The following DCLK2 variants were observed in gnomAD, a reference collection of about 807,000 sequenced individuals.
The protein encoded by DCLK2 is serine/threonine-protein kinase DCLK2.
DCLK2 carries 31 observed loss-of-function variants against 78.4 expected under a neutral mutation model. The ratio of observed to expected loss-of-function variants is 0.40; its 90% CI spans 0.30 to 0.53. DCLK2 has a LOEUF of 0.53. Among genes scored for constraint, DCLK2 ranks in the 20% least tolerant of loss-of-function variants. The pLI, the probability that DCLK2 is intolerant of heterozygous loss-of-function variation, is 0.61. For missense variants in DCLK2, 872 were observed against 973.7 expected, an observed-to-expected ratio of 0.90 and a Z score of 1.39; for synonymous variants, 407 against 374.9, an observed-to-expected ratio of 1.09 and a Z score of -0.99.
intron 5 of DCLK2, among the ~76,000 whole-genome samples, chr4:150,213,450 G>A (rs1211572834): frequency 6.6e-6 from 1 of 152,060 alleles, no homozygotes; most frequent in Non-Finnish European, 1.5e-5. Context: ...AAATAATAAA[G>A]GTTTCTGTTC....
At chr4:150,251,997 T>C (rs1744201779) in intron 15 of DCLK2, among the ~76,000 whole-genome samples, 1 of 152,114 alleles carries the variant, frequency 6.6e-6, no homozygotes, top group Non-Finnish European at 1.5e-5. Flanking sequence ...TTTTGATGGC[T>C]TGCAGGACTT....
intron 2 of DCLK2, among the ~76,000 whole-genome samples, chr4:150,148,502 A>G (rs536879014): frequency 2.0e-5 from 3 of 151,948 alleles, no homozygotes; most frequent in East Asian, 1.9e-4. Context: ...GACTGAAGCA[A>G]TCCTCCTGCC....
At chr4:150,253,739 T>A in intron 15 of DCLK2, 3 of 985,440 alleles carry the variant, frequency 3.0e-6, no homozygotes, top group Non-Finnish European at 3.6e-6. Flanking sequence ...ATTTTCAAAC[T>A]TCTCAGCTTA....
In DCLK2 at chr4:150,257,220, G is replaced by T. The variant is rs1446553839; in HGVS notation, c.*973G>T. On this transcript the variant is annotated 3_prime_UTR_variant, in exon 16 of 16. Coordinates refer to ENST00000296550, the MANE Select transcript of DCLK2 (RefSeq NM_001040260.4). ...GAGGCAGCCAGGACTGGGCGGGAAGGTGCTCCCTGGATATACTCTGTGAAC... is the reference window on the plus strand; with the variant it reads ...GAGGCAGCCAGGACTGGGCGGGAAGTTGCTCCCTGGATATACTCTGTGAAC... 1.3e-5 allele frequency: 2 copies of T among 152,672 alleles called. No individual in the cohort carries two copies. Among genetic ancestry groups the T allele is most frequent in the African/African-American group, 4.8e-5 (2 of 41,444 alleles). The allele number at this position is 152,672 out of a possible 1,614,324, so 9.5% of individuals were successfully genotyped here.
intron 2 of DCLK2, among the ~76,000 whole-genome samples, chr4:150,165,869 A>G (rs1736026533): frequency 6.6e-6 from 1 of 152,196 alleles, no homozygotes; most frequent in Non-Finnish European, 1.5e-5. Flanking sequence ...GCCCTCATGA[A>G]TGGACTGTCA....
intron 2 of DCLK2, among the ~76,000 whole-genome samples, chr4:150,172,670 G>A (rs562233307): frequency 6.9e-6 from 1 of 144,448 alleles, no homozygotes; most frequent in South Asian, 2.3e-4. Context: ...CTAGTTTTAT[G>A]AGGGAAGTGA....
At position 150,257,306 on chromosome 4, in the gene DCLK2, T is replaced by C. The variant is rs1744638831; in HGVS notation, c.*1059T>C. 1 of 152,724 alleles carries C rather than the reference T, an allele frequency of 6.5e-6. No homozygotes were observed. The highest frequency in any genetic ancestry group is 1.5e-5 in the Non-Finnish European group (1 of 68,098). The allele number at this position is 152,724 out of a possible 1,614,324, so 9.5% of individuals were successfully genotyped here. A position where few individuals can be genotyped will look rare whatever the true frequency, so the allele number is the denominator to read the frequency against. On this transcript the variant is annotated 3_prime_UTR_variant, in exon 16 of 16. Coordinates refer to ENST00000296550, the MANE Select transcript of DCLK2 (RefSeq NM_001040260.4). ...CCACCACCCTGCTCTTTTTAATAAT[T>C]GTACATAATCCGTGTATTTGTTTTA... is the stretch of plus-strand genomic sequence containing the variant.
chr4:150,249,992 G>T (rs928010054), intron 15 of DCLK2, among the ~76,000 whole-genome samples: 1 of 152,124 alleles, frequency 6.6e-6, no homozygotes, highest in Non-Finnish European at 1.5e-5. Context: ...AGACTCCCAA[G>T]CCCTGGAGGG....
chr4:150,117,485 T>C (rs919655472), intron 2 of DCLK2, among the ~76,000 whole-genome samples: 1 of 152,158 alleles, frequency 6.6e-6, no homozygotes, highest in Admixed American at 6.5e-5. Flanking sequence ...CACTCACCCC[T>C]TGGTTCTGGC....
At chr4:150,216,652 A>C (rs4532220) in intron 5 of DCLK2, among the ~76,000 whole-genome samples, 133,498 of 152,104 alleles carry the variant, frequency 0.88, 58,986 homozygotes, top group Middle Eastern at 0.96. Context: ...AAAAAAAGTT[A>C]TTAGCAGAAG....
At chr4:150,184,011 G>T (rs1737721229) in intron 2 of DCLK2, among the ~76,000 whole-genome samples, 2 of 152,156 alleles carry the variant, frequency 1.3e-5, no homozygotes, top group African/African-American at 4.8e-5. Flanking sequence ...TGGGATTACA[G>T]GCGTGAGCCA....
intron 2 of DCLK2, among the ~76,000 whole-genome samples, chr4:150,179,308 G>A (rs1022308945): frequency 7.4e-4 from 112 of 152,290 alleles, no homozygotes; most frequent in African/African-American, 2.4e-3. Flanking sequence ...GATTACAGGT[G>A]TGAGCCACTG....
At chr4:150,185,288 A>T (rs918882328) in intron 2 of DCLK2, among the ~76,000 whole-genome samples, 3 of 152,196 alleles carry the variant, frequency 2.0e-5, no homozygotes, top group African/African-American at 7.2e-5. Context: ...AGAAGAGCAC[A>T]GGGGGACCAC....
chr4:150,229,242 T>G (rs1251150614), intron 8 of DCLK2, among the ~76,000 whole-genome samples: 1 of 152,092 alleles, frequency 6.6e-6, no homozygotes, highest in Admixed American at 6.6e-5. Flanking sequence ...GCGGGAAGAT[T>G]GCTTGAGCCT....
At chr4:150,166,775 T>C (rs1008562707) in intron 2 of DCLK2, among the ~76,000 whole-genome samples, 2 of 152,154 alleles carry the variant, frequency 1.3e-5, no homozygotes, top group Non-Finnish European at 2.9e-5. Flanking sequence ...TGCACTGTCA[T>C]GAAGAGGTGG....
rs553337088 is a variant in DCLK2 at position 150,151,627 on chromosome 4, A to G, written c.757-41511A>G. 9.9e-5 allele frequency among the ~76,000 whole-genome samples: 15 copies of G among 152,262 alleles called. No individual in the cohort carries two copies. In the South Asian group the frequency reaches 1.7e-3, roughly 17 times the overall value. ...GTTTTACTAGTAATTATTGATTAGA[A>G]TTTTGTGTGGCTCTGGGCCGGGTGC... is the stretch of plus-strand genomic sequence containing the variant. On this transcript the variant is annotated intron_variant, in intron 2 of 15. Coordinates refer to ENST00000296550, the MANE Select transcript of DCLK2 (RefSeq NM_001040260.4).
chr4:150,096,338 C>A (rs1320860510), intron 1 of DCLK2, among the ~76,000 whole-genome samples: 1 of 152,094 alleles, frequency 6.6e-6, no homozygotes, highest in Non-Finnish European at 1.5e-5. Context: ...GAGTGAAATT[C>A]GTTTTAGATA....
At position 150,079,007 on chromosome 4, in the gene DCLK2, G is replaced by A. The variant is rs772788043; in HGVS notation, c.-21G>A. The A allele has an allele frequency of 3.3e-6, 5 of 1,510,188 alleles. No individual in the cohort carries two copies. Among genetic ancestry groups the A allele is most frequent in the Non-Finnish European group, 3.5e-6 (4 of 1,132,876 alleles). The allele number at this position is 1,510,188 out of a possible 1,614,324, so 93.5% of individuals were successfully genotyped here. A position where few individuals can be genotyped will look rare whatever the true frequency, so the allele number is the denominator to read the frequency against. ...AGTCGGCCCGGAACGTCTTTTTGCG[G>A]ACGCCCTCGGAGCAGCCGCGATGGC... On this transcript the variant is annotated 5_prime_UTR_variant, in exon 1 of 16. Coordinates refer to ENST00000296550, the MANE Select transcript of DCLK2 (RefSeq NM_001040260.4).
At chr4:150,094,910 C>T (rs1730350089) in intron 1 of DCLK2, among the ~76,000 whole-genome samples, 2 of 152,176 alleles carry the variant, frequency 1.3e-5, no homozygotes, top group Admixed American at 1.3e-4. Context: ...ATGTTCAGTT[C>T]ACTCTCACTT....
Sources: gnomAD v4.1 joint callset for allele counts (sites outside exome capture counted in the v4.1 genomes callset) on GRCh38, gnomAD v4.1.1 for gene constraint, MANE v1.5 for transcripts, NCBI Gene and HGNC (gene_info 2026-07-23, HGNC 2026-07-21) for gene names.